The following TSPAN12 variants were observed in gnomAD, a reference collection of about 807,000 sequenced individuals.
The protein encoded by TSPAN12 is tetraspanin 12.
TSPAN12 carries 19 observed loss-of-function variants against 39.2 expected under a neutral mutation model. That is an observed-to-expected ratio of 0.49 (90% confidence interval 0.34 to 0.71). The LOEUF (loss-of-function observed/expected upper bound fraction) is 0.71. Among genes scored for constraint, TSPAN12 ranks in the 30% least tolerant of loss-of-function variants. TSPAN12 has a pLI of 0.01. For synonymous variants in TSPAN12, 119 were observed against 124.8 expected (o/e 0.95, Z 0.31); for missense variants, 314 against 359.9 (o/e 0.87, Z 1.03).
At chr7:120,789,636 T>C (rs1013733869) in intron 7 of TSPAN12, among the ~76,000 whole-genome samples, 4 of 152,256 alleles carry the variant, frequency 2.6e-5, no homozygotes, top group Non-Finnish European at 4.4e-5. Flanking sequence ...AGCATCTTTA[T>C]ATGACACAGT....
intron 7 of TSPAN12, among the ~76,000 whole-genome samples, chr7:120,790,243 C>T (rs565149918): frequency 1.1e-4 from 16 of 152,140 alleles, no homozygotes; most frequent in African/African-American, 2.2e-4. Context: ...CCCAGAGGAA[C>T]GATGCCACTT....
In TSPAN12 at chr7:120,840,105, A is replaced by G; in HGVS notation, c.71T>C (p.Met24Thr). 4 of 1,613,144 alleles carry G rather than the reference A, an allele frequency of 2.5e-6. No homozygotes were observed. Among genetic ancestry groups the G allele is most frequent in the Non-Finnish European group, 3.4e-6 (4 of 1,179,146 alleles). Reference sequence around the variant, plus strand: ...AGAAACTGCCAACACACTGATGGACATTAACTGGGGAGAAAAAAGTACAAA... The same window carrying G: ...AGAAACTGCCAACACACTGATGGACGTTAACTGGGGAGAAAAAAGTACAAA... ...LYALNLLFWL[M>T]SISVLAVSAW... Residue 24 changes from methionine (M) to threonine (T), a missense_variant, in exon 3 of 8, where the codon ATG becomes ACG. Coordinates refer to ENST00000222747, the MANE Select transcript of TSPAN12 (RefSeq NM_012338.4).
At chr7:120,839,435 A>G (rs1375790795) in intron 3 of TSPAN12, among the ~76,000 whole-genome samples, 1 of 152,224 alleles carries the variant, frequency 6.6e-6, no homozygotes, top group Non-Finnish European at 1.5e-5. Flanking sequence ...ACGATGAAAA[A>G]TTCATTAACC....
At chr7:120,812,197 T>A (rs1399810248) in intron 5 of TSPAN12, among the ~76,000 whole-genome samples, 1 of 152,220 alleles carries the variant, frequency 6.6e-6, no homozygotes. Flanking sequence ...CCACAGTCAT[T>A]GTTGTAATAC....
intron 4 of TSPAN12, among the ~76,000 whole-genome samples, chr7:120,824,476 C>G (rs1794247336): frequency 6.6e-6 from 1 of 151,790 alleles, no homozygotes; most frequent in Non-Finnish European, 1.5e-5. Flanking sequence ...ACTGTTTGCT[C>G]AAATCAGTGT....
At chr7:120,851,322 A>G (rs1022561462) in intron 2 of TSPAN12, among the ~76,000 whole-genome samples, 2 of 152,162 alleles carry the variant, frequency 1.3e-5, no homozygotes, top group African/African-American at 4.8e-5. Context: ...AGCATAAACT[A>G]AATTTCCTGT....
chr7:120,841,322 T>C (rs988096654), intron 2 of TSPAN12, among the ~76,000 whole-genome samples: 2 of 152,032 alleles, frequency 1.3e-5, no homozygotes, highest in Admixed American at 6.6e-5. Context: ...GATTTAAACA[T>C]GTTAAATGCC....
intron 4 of TSPAN12, among the ~76,000 whole-genome samples, chr7:120,829,543 A>G (rs1040557153): frequency 6.6e-6 from 1 of 152,182 alleles, no homozygotes; most frequent in Non-Finnish European, 1.5e-5. Context: ...CTTTTAAATG[A>G]ATGTTTTCTG....
chr7:120,814,896 C>T (rs986936269), intron 5 of TSPAN12, among the ~76,000 whole-genome samples: 6 of 152,156 alleles, frequency 3.9e-5, no homozygotes, highest in African/African-American at 1.2e-4. Flanking sequence ...ACACCTCTTA[C>T]TTAAGGTGGA....
chr7:120,788,423 T>C lies in TSPAN12; in HGVS notation c.*169A>G, dbSNP rs1793450519. The C allele has an allele frequency of 1.3e-6, 1 of 775,076 alleles. No homozygotes were observed. Among genetic ancestry groups the C allele is most frequent in the South Asian group, 1.8e-5 (1 of 55,874 alleles). 48.0% of individuals were successfully genotyped at this position (775,076 alleles called of 1,614,324 possible). On this transcript the variant is annotated 3_prime_UTR_variant, in exon 8 of 8. Transcript: ENST00000222747. The stretch of plus-strand genomic sequence containing the variant: ...CAATTATTGTCCAGGTGGTGACTTA[T>C]GACATGAAACTTTTCCATCCTCATT...
In TSPAN12 at chr7:120,815,788, GCA is replaced by G; in HGVS notation, c.299_300del (p.Leu100SerfsTer16). The G allele has an allele frequency of 1.2e-6, 2 of 1,612,740 alleles. No homozygotes were observed. Among genetic ancestry groups the G allele is most frequent in the Non-Finnish European group, 1.7e-6 (2 of 1,179,530 alleles). On this transcript the variant is annotated frameshift_variant, in exon 5 of 8. Coordinates refer to ENST00000222747, the MANE Select transcript of TSPAN12 (RefSeq NM_012338.4). LOFTEE classifies it high-confidence loss of function. ...GCCAGTTCTACACAGAAAATGACAA[GCA>G]AACTTCCAAAGTACTGTAGAAAAAC... is the stretch of plus-strand genomic sequence containing the variant. Reference protein sequence around the residue: ...LLLLAWYFGSLLVIFCVELAC... With the variant: ...LLLLAWYFGSXLVIFCVELAC...
intron 7 of TSPAN12, among the ~76,000 whole-genome samples, chr7:120,794,447 A>C (rs1371109384): frequency 6.6e-6 from 1 of 151,974 alleles, no homozygotes; most frequent in African/African-American, 2.4e-5. Flanking sequence ...TTCTCCCAAG[A>C]TCTGTTTCTT....
chr7:120,843,296 A>T (rs1312883188), intron 2 of TSPAN12, among the ~76,000 whole-genome samples: 2 of 152,208 alleles, frequency 1.3e-5, no homozygotes, highest in African/African-American at 2.4e-5. Flanking sequence ...TGCCAGACAC[A>T]TCCTGCTCTG....
intron 5 of TSPAN12, among the ~76,000 whole-genome samples, chr7:120,813,121 TG>T (rs988575211): frequency 6.6e-6 from 1 of 152,192 alleles, no homozygotes; most frequent in South Asian, 2.1e-4. Context: ...GTTCCTTGCA[TG>T]GAACAGCTAA....
intron 3 of TSPAN12, 88 bp downstream of exon 3, chr7:120,839,939 C>T: frequency 9.0e-7 from 1 of 1,107,090 alleles, no homozygotes. Flanking sequence ...TCCAAAAGAT[C>T]AAGGAAGAGC....
intron 4 of TSPAN12, among the ~76,000 whole-genome samples, chr7:120,835,082 C>T (rs1794452030): frequency 6.6e-6 from 1 of 152,150 alleles, no homozygotes; most frequent in African/African-American, 2.4e-5. Flanking sequence ...TTAATAAACA[C>T]TTATTAAAGC....
chr7:120,794,561 G>A (rs1329209873), intron 7 of TSPAN12, among the ~76,000 whole-genome samples: 2 of 152,150 alleles, frequency 1.3e-5, no homozygotes, highest in Non-Finnish European at 2.9e-5. Context: ...AAAGCTCCTT[G>A]AGGCCTTCCC....
At chr7:120,846,915 T>C (rs1320746502) in intron 2 of TSPAN12, among the ~76,000 whole-genome samples, 2 of 151,548 alleles carry the variant, frequency 1.3e-5, no homozygotes, top group Admixed American at 1.3e-4. Context: ...AAAAGGAGGG[T>C]TGAAAATAAC....
At chr7:120,822,847 AC>A (rs1482806598) in intron 4 of TSPAN12, among the ~76,000 whole-genome samples, 1 of 152,186 alleles carries the variant, frequency 6.6e-6, no homozygotes, top group East Asian at 1.9e-4. Flanking sequence ...ATGACAAAGT[AC>A]AGTACTAGAA....
Sources: gnomAD v4.1 joint callset for allele counts (sites outside exome capture counted in the v4.1 genomes callset) on GRCh38, gnomAD v4.1.1 for gene constraint, MANE v1.5 for transcripts, NCBI Gene and HGNC (gene_info 2026-07-23, HGNC 2026-07-21) for gene names.